Variants in ARHGEF26 observed in about 807,000 individuals in gnomAD.
ARHGEF26 encodes the protein Rho guanine nucleotide exchange factor (GEF) 26.
In ARHGEF26, 59 loss-of-function variants were observed where a neutral mutation model predicts 89.4. The ratio of observed to expected loss-of-function variants is 0.66; its 90% CI spans 0.54 to 0.82. The LOEUF is 0.82. Among genes scored for constraint, ARHGEF26 ranks in the 40% least tolerant of loss-of-function variants. The pLI, the probability that ARHGEF26 is intolerant of heterozygous loss-of-function variation, is 0.00. For synonymous variants in ARHGEF26, 500 were observed against 428.4 expected, an observed-to-expected ratio of 1.17 and a Z score of -2.06; for missense variants, 1,234 against 1,085.6, an observed-to-expected ratio of 1.14 and a Z score of -1.92.
chr3:154,149,585 T>G, intron 5 of ARHGEF26, 140 bp downstream of exon 5: 1 of 700,920 alleles, frequency 1.4e-6, no homozygotes, highest in Non-Finnish European at 2.2e-6. Context: ...CAGTAAGTGA[T>G]CATTTTAATG....
At chr3:154,199,887 C>G (rs1220073120) in intron 9 of ARHGEF26, among the ~76,000 whole-genome samples, 1 of 151,966 alleles carries the variant, frequency 6.6e-6, no homozygotes, top group African/African-American at 2.4e-5. Flanking sequence ...AAATCTTTGC[C>G]CATTTTTGAT....
rs573900646 is a variant in ARHGEF26, at chr3:154,166,292, C to T, written c.1487+13360C>T. Among the ~76,000 whole-genome samples, 25 of 152,232 alleles carry T rather than the reference C, an allele frequency of 1.6e-4. No individual in the cohort carries two copies. The East Asian group carries it at 4.8e-3, about 29-fold the overall frequency. Reference sequence around the variant, plus strand: ...GTCTCGATCTCCTGACCTCATGATCCGCCCGCCTTGGCCTCCCAAAATGCT... The same window carrying T: ...GTCTCGATCTCCTGACCTCATGATCTGCCCGCCTTGGCCTCCCAAAATGCT... On this transcript the variant is annotated intron_variant, in intron 6 of 14. Coordinates refer to ENST00000465093, the MANE Select transcript of ARHGEF26 (RefSeq NM_015595.4).
intron 11 of ARHGEF26, among the ~76,000 whole-genome samples, chr3:154,237,536 C>T (rs896874541): frequency 1.5e-4 from 7 of 47,278 alleles, no homozygotes; most frequent in African/African-American, 4.5e-4. Flanking sequence ...AGTGAGACTC[C>T]GTCACACACA....
chr3:154,154,441 A>G (rs190397165), intron 6 of ARHGEF26, among the ~76,000 whole-genome samples: 1 of 152,050 alleles, frequency 6.6e-6, no homozygotes, highest in African/African-American at 2.4e-5. Context: ...GCCCATAGAC[A>G]CTCCAAATTT....
chr3:154,171,118 T>A (rs1712407777), intron 6 of ARHGEF26, among the ~76,000 whole-genome samples: 1 of 152,182 alleles, frequency 6.6e-6, no homozygotes, highest in Non-Finnish European at 1.5e-5. Context: ...TGGTCTAGAA[T>A]CTGGTTCTGG....
intron 12 of ARHGEF26, among the ~76,000 whole-genome samples, chr3:154,250,515 A>G (rs1339811423): frequency 1.3e-5 from 2 of 152,222 alleles, no homozygotes; most frequent in African/African-American, 4.8e-5. Flanking sequence ...TGCTATTAGC[A>G]TCCAGGCAGC....
Position 154,170,857 on chromosome 3 carries a change from T to G in ARHGEF26, c.1488-16828T>G, listed in dbSNP as rs546744795. On this transcript the variant is annotated intron_variant, in intron 6 of 14. Transcript: ENST00000465093. ...ATATCCCAATTTGGAGGATAAATTG[T>G]ATGGTCACCCTCTAATGTAAGGATG... is the stretch of plus-strand genomic sequence containing the variant. 3.3e-5 allele frequency among the ~76,000 whole-genome samples: 5 copies of G among 152,358 alleles called. No individual in the cohort carries two copies. In the South Asian group the frequency reaches 6.2e-4, roughly 19 times the overall value.
In ARHGEF26 at chr3:154,196,755, G is replaced by T. The variant is rs140110756; in HGVS notation, c.1845+2037G>T. On this transcript the variant is annotated intron_variant, in intron 9 of 14. Coordinates refer to ENST00000465093, the MANE Select transcript of ARHGEF26 (RefSeq NM_015595.4). ...TGCTTCCTCCAAGACCTCAAGTCCTGTGCTGCTTTCCTAGAGGAGGAACTG... is the reference window on the plus strand; with the variant it reads ...TGCTTCCTCCAAGACCTCAAGTCCTTTGCTGCTTTCCTAGAGGAGGAACTG... 2.8e-4 allele frequency among the ~76,000 whole-genome samples: 43 copies of T among 152,182 alleles called. No homozygotes were observed. In the South Asian group the frequency reaches 3.3e-3, roughly 12 times the overall value.
intron 6 of ARHGEF26, among the ~76,000 whole-genome samples, chr3:154,171,382 G>A (rs1193624009): frequency 6.6e-6 from 1 of 152,140 alleles, no homozygotes; most frequent in Admixed American, 6.5e-5. Context: ...ATCACCTAAA[G>A]TACATAATTT....
chr3:154,246,021 C>T (rs1307031827), intron 12 of ARHGEF26, among the ~76,000 whole-genome samples: 5 of 152,110 alleles, frequency 3.3e-5, no homozygotes, highest in Non-Finnish European at 5.9e-5. Context: ...GAAAGTATTT[C>T]TTCATGATCC....
intron 9 of ARHGEF26, among the ~76,000 whole-genome samples, chr3:154,197,922 C>T (rs1421734302): frequency 6.6e-6 from 1 of 152,072 alleles, no homozygotes; most frequent in Non-Finnish European, 1.5e-5. Flanking sequence ...CTGTTATTTC[C>T]TTCTGTTTAC....
chr3:154,249,759 G>A (rs745745448), intron 12 of ARHGEF26, among the ~76,000 whole-genome samples: 46 of 152,324 alleles, frequency 3.0e-4, no homozygotes, highest in Non-Finnish European at 5.4e-4. Context: ...ATGGGATTCA[G>A]TGCAGCATTG....
intron 9 of ARHGEF26, among the ~76,000 whole-genome samples, chr3:154,201,315 C>G (rs1714620572): frequency 1.3e-5 from 2 of 152,014 alleles, no homozygotes; most frequent in Non-Finnish European, 2.9e-5. Flanking sequence ...CATCCATGTC[C>G]CTACAAAGGA....
Position 154,256,925 on chromosome 3 carries a change from G to A in ARHGEF26, c.*1452G>A. 4 of 1,534,848 alleles carry A rather than the reference G, an allele frequency of 2.6e-6. No homozygotes were observed. The South Asian group carries it at 3.6e-5, about 14-fold the overall frequency. On this transcript the variant is annotated 3_prime_UTR_variant, in exon 15 of 15. Transcript: ENST00000465093. Reference sequence around the variant, plus strand: ...GGTTTCATGGAGATGAAGGATGGGAGATTAAGAGGGGGGAAATGATTTTTA... The same window carrying A: ...GGTTTCATGGAGATGAAGGATGGGAAATTAAGAGGGGGGAAATGATTTTTA...
chr3:154,188,399 A>G (rs1209085955), intron 7 of ARHGEF26, among the ~76,000 whole-genome samples: 2 of 152,254 alleles, frequency 1.3e-5, no homozygotes, highest in Admixed American at 6.5e-5. Flanking sequence ...TTATGCAGCA[A>G]AAGAGTTAAG....
intron 12 of ARHGEF26, among the ~76,000 whole-genome samples, chr3:154,244,831 A>G (rs1717699555): frequency 6.6e-6 from 1 of 152,104 alleles, no homozygotes; most frequent in South Asian, 2.1e-4. Flanking sequence ...GGCCTTCCTG[A>G]CAGTCTAGCA....
At chr3:154,235,095 A>G (rs1717041298) in intron 11 of ARHGEF26, among the ~76,000 whole-genome samples, 2 of 151,354 alleles carry the variant, frequency 1.3e-5, no homozygotes, top group African/African-American at 4.9e-5. Flanking sequence ...CTATTTCTGC[A>G]TGTTTATTTT....
chr3:154,150,276 C>T (rs558116123), intron 5 of ARHGEF26, among the ~76,000 whole-genome samples: 5 of 151,664 alleles, frequency 3.3e-5, no homozygotes, highest in Admixed American at 2.0e-4. Context: ...GTATAACAAT[C>T]GTAATTTTTC....
At chr3:154,249,858 A>T (rs1718021358) in intron 12 of ARHGEF26, among the ~76,000 whole-genome samples, 2 of 152,190 alleles carry the variant, frequency 1.3e-5, no homozygotes, top group Admixed American at 1.3e-4. Flanking sequence ...TTATATCGAT[A>T]CGTCCCTGGA....
Sources: allele counts gnomAD v4.1 joint callset (sites outside exome capture counted in the v4.1 genomes callset), GRCh38; gene constraint gnomAD v4.1.1; transcripts MANE v1.5; gene names NCBI Gene and HGNC (gene_info 2026-07-23, HGNC 2026-07-21).